Variants in FBXO11 observed in about 807,000 individuals in gnomAD.
FBXO11 encodes the protein F-box only protein 11.
FBXO11 carries 13 observed loss-of-function variants against 117.0 expected under a neutral mutation model. The ratio of observed to expected loss-of-function variants is 0.11; its 90% CI spans 0.07 to 0.18. FBXO11 has a LOEUF of 0.18. FBXO11 is among the 10% of genes least tolerant of loss of function. The probability of loss-of-function intolerance (pLI) is 1.00; values close to 1 mark genes in which losing one functional copy is unlikely to be tolerated. For synonymous variants in FBXO11, 490 were observed against 380.5 expected (o/e 1.29, Z -3.35); for missense variants, 767 against 1,164.4 (o/e 0.66, Z 4.97).
rs375522352 is a variant in FBXO11, at chr2:47,818,939, G to A, written c.1920+17C>T. 3.1e-6 allele frequency: 5 copies of A among 1,607,930 alleles called. No individual in the cohort carries two copies. In the African/African-American group the frequency reaches 4.0e-5, roughly 13 times the overall value. ...AAAACAATGTATTTCCCATCCAAGA[G>A]TCCAGGCTAATCCTACCTGCTTGCC... is the stretch of plus-strand genomic sequence containing the variant. On this transcript the variant is annotated intron_variant, in intron 15 of 22. Coordinates refer to ENST00000403359, the MANE Select transcript of FBXO11 (RefSeq NM_001190274.2).
At chr2:47,874,407 G>T (rs1675845220) in intron 1 of FBXO11, among the ~76,000 whole-genome samples, 1 of 151,464 alleles carries the variant, frequency 6.6e-6, no homozygotes, top group Non-Finnish European at 1.5e-5. Flanking sequence ...ATTTTTTTAG[G>T]TTATTTTACA....
At chr2:47,813,023 T>C (rs1258816163) in intron 18 of FBXO11, 3 of 570,548 alleles carry the variant, frequency 5.3e-6, no homozygotes, top group Non-Finnish European at 9.4e-6. Flanking sequence ...TACTGACAAC[T>C]GCAGACTCAA....
At chr2:47,827,235 A>G (rs1471692984) in intron 11 of FBXO11, among the ~76,000 whole-genome samples, 1 of 152,230 alleles carries the variant, frequency 6.6e-6, no homozygotes, top group Non-Finnish European at 1.5e-5. Context: ...ATTGACTTAT[A>G]GTTTTATAAT....
chr2:47,859,657 G>A (rs568516457), intron 1 of FBXO11, among the ~76,000 whole-genome samples: 3 of 152,244 alleles, frequency 2.0e-5, no homozygotes, highest in South Asian at 2.1e-4. Flanking sequence ...TCACAGTTAC[G>A]CTTTCAAGGT....
In FBXO11 at chr2:47,809,105, A is replaced by G. The variant is rs145978463; in HGVS notation, c.2555+53T>C. 1,803 of 1,186,164 alleles carry G rather than the reference A, an allele frequency of 1.5e-3. 9 individuals are homozygous for G. Among genetic ancestry groups the G allele is most frequent in the Middle Eastern group, 0.012 (59 of 4,936 alleles). The allele number at this position is 1,186,164 out of a possible 1,614,324, so 73.5% of individuals were successfully genotyped here. ...CAAAAATGCTAGGCATTGCTAATTTAAAAAGGAAATCAGTCTTCCTCTTTT... is the reference window on the plus strand; with the variant it reads ...CAAAAATGCTAGGCATTGCTAATTTGAAAAGGAAATCAGTCTTCCTCTTTT... On this transcript the variant is annotated intron_variant, in intron 21 of 22. Coordinates refer to ENST00000403359, the MANE Select transcript of FBXO11 (RefSeq NM_001190274.2).
At chr2:47,869,225 C>T (rs1389778824) in intron 1 of FBXO11, among the ~76,000 whole-genome samples, 1 of 152,182 alleles carries the variant, frequency 6.6e-6, no homozygotes, top group African/African-American at 2.4e-5. Context: ...TGCTTCTTGT[C>T]TCTGTGAGCT....
At chr2:47,881,806 C>A (rs2103908090) in intron 1 of FBXO11, among the ~76,000 whole-genome samples, 1 of 152,032 alleles carries the variant, frequency 6.6e-6, no homozygotes, top group South Asian at 2.1e-4. Flanking sequence ...AGTGCAGTGG[C>A]ATGCATAATC....
chr2:47,892,894 A>G (rs776369167), intron 1 of FBXO11, among the ~76,000 whole-genome samples: 4 of 152,178 alleles, frequency 2.6e-5, no homozygotes, highest in Non-Finnish European at 5.9e-5. Flanking sequence ...ATGCTATAAC[A>G]TAATCGCTAG....
At chr2:47,834,744 G>A (rs1336175302) in intron 6 of FBXO11, 33 bp from the exon 7 acceptor site, 2 of 1,608,814 alleles carry the variant, frequency 1.2e-6, no homozygotes, top group Non-Finnish European at 1.7e-6. Flanking sequence ...GTACAGAACT[G>A]AAAGATTACC....
intron 1 of FBXO11, among the ~76,000 whole-genome samples, chr2:47,843,012 G>A (rs898871413): frequency 2.6e-5 from 4 of 152,118 alleles, no homozygotes; most frequent in African/African-American, 9.7e-5. Flanking sequence ...TCTCAAAACT[G>A]CTGAGCTCAA....
At chr2:47,891,029 G>C (rs1275820070) in intron 1 of FBXO11, among the ~76,000 whole-genome samples, 1 of 150,336 alleles carries the variant, frequency 6.7e-6, no homozygotes. Context: ...TCCCTATGTT[G>C]CTCAGACTAG....
At chr2:47,841,852 G>A (rs1390175022) in intron 1 of FBXO11, among the ~76,000 whole-genome samples, 1 of 151,818 alleles carries the variant, frequency 6.6e-6, no homozygotes, top group African/African-American at 2.4e-5. Context: ...TGTTGGCCAG[G>A]ATGGTCTCTA....
Position 47,833,554 on chromosome 2 carries a change from A to C in FBXO11, c.935-484T>G, listed in dbSNP as rs555382830. Among the ~76,000 whole-genome samples, 18 of 152,336 alleles carry C rather than the reference A, an allele frequency of 1.2e-4. No individual in the cohort carries two copies. The South Asian group carries it at 3.7e-3, about 32-fold the overall frequency. ...GCTGTAAATGCAAATTTCACTAGCA[A>C]ATAATAATTACTAGCTATCTTAAAA... is the stretch of plus-strand genomic sequence containing the variant. On this transcript the variant is annotated intron_variant, in intron 7 of 22. Transcript: ENST00000403359.
intron 1 of FBXO11, 73 bp downstream of exon 1, chr2:47,905,416 C>T: frequency 1.8e-6 from 2 of 1,123,826 alleles, no homozygotes; most frequent in Non-Finnish European, 2.2e-6. Context: ...GCCCGCCCGC[C>T]CGCCCGCCCG....
intron 1 of FBXO11, among the ~76,000 whole-genome samples, chr2:47,859,924 AGTT>A (rs1674620523): frequency 6.6e-6 from 1 of 152,168 alleles, no homozygotes; most frequent in South Asian, 2.1e-4. Flanking sequence ...CTAAATGCTT[AGTT>A]TGAGATTCTC....
chr2:47,903,189 C>A (rs1432730468), intron 1 of FBXO11, among the ~76,000 whole-genome samples: 4 of 152,116 alleles, frequency 2.6e-5, no homozygotes, highest in Admixed American at 6.5e-5. Flanking sequence ...TGGCTGGCAA[C>A]ATCTTTATTA....
At chr2:47,871,326 C>T (rs1170934909) in intron 1 of FBXO11, among the ~76,000 whole-genome samples, 2 of 152,182 alleles carry the variant, frequency 1.3e-5, no homozygotes, top group Middle Eastern at 3.2e-3. Context: ...AAGCCTCTTG[C>T]CAACAGCTAC....
chr2:47,833,800 G>T (rs918124714), intron 7 of FBXO11, among the ~76,000 whole-genome samples: 1 of 152,064 alleles, frequency 6.6e-6, no homozygotes, highest in Admixed American at 6.6e-5. Context: ...GAGTCGCTGG[G>T]ATTACAGGTG....
intron 1 of FBXO11, among the ~76,000 whole-genome samples, chr2:47,897,826 T>G (rs533015108): frequency 6.6e-6 from 1 of 152,062 alleles, no homozygotes; most frequent in African/African-American, 2.4e-5. Flanking sequence ...AAAATGAGAT[T>G]ATCACTATTA....
Sources: allele counts gnomAD v4.1 joint callset (sites outside exome capture counted in the v4.1 genomes callset), GRCh38; gene constraint gnomAD v4.1.1; transcripts MANE v1.5; gene names NCBI Gene and HGNC (gene_info 2026-07-23, HGNC 2026-07-21).